The following DNAJC13 variants were observed in gnomAD, a reference collection of about 807,000 sequenced individuals.
DNAJC13 encodes the protein dnaJ homolog subfamily C member 13.
Under a neutral mutation model 290.5 loss-of-function variants are expected in DNAJC13, and 75 were observed. The observed-to-expected ratio is 0.26, with a 90% CI of 0.21 to 0.31. The LOEUF (loss-of-function observed/expected upper bound fraction) is 0.31. Among genes scored for constraint, DNAJC13 ranks in the 10% least tolerant of loss-of-function variants. The pLI, the probability that DNAJC13 is intolerant of heterozygous loss-of-function variation, is 1.00. For missense variants in DNAJC13, 2,260 were observed against 2,674.5 expected (o/e 0.85, Z 3.42); for synonymous variants, 862 against 892.0 (o/e 0.97, Z 0.60).
chr3:132,500,188 T>G (rs1427855114), intron 38 of DNAJC13, among the ~76,000 whole-genome samples: 1 of 152,248 alleles, frequency 6.6e-6, no homozygotes, highest in African/African-American at 2.4e-5. Flanking sequence ...TTTAATTGGC[T>G]TAACATTTAA....
intron 38 of DNAJC13, among the ~76,000 whole-genome samples, chr3:132,500,254 T>C (rs1428863191): frequency 6.6e-6 from 1 of 152,354 alleles, no homozygotes; most frequent in Non-Finnish European, 1.5e-5. Context: ...AGAGCGTGTC[T>C]TTCTATTTGA....
rs754222838 is a variant in DNAJC13 at position 132,453,458 on chromosome 3, C to G, written c.698C>G (p.Thr233Arg). ...FGKYSTDESI[T>R]SLAEFVVQKI... ...AAATACAGCACTGATGAATCCATCA[C>G]ATCTTTAGCAGAGTTTGTAGTCCAA... The change falls in exon 7 of 56, where the codon ACA (threonine) becomes AGA (arginine). Residue 233 changes from threonine (T) to arginine (R), a missense_variant. This residue lies in a region of DNAJC13 where 762 missense variants were observed against 964.1 expected (regional missense o/e 0.79). Transcript: ENST00000260818. The G allele has an allele frequency of 1.2e-6, 2 of 1,613,988 alleles. No homozygotes were observed. Among genetic ancestry groups the G allele is most frequent in the Non-Finnish European group, 1.7e-6 (2 of 1,179,912 alleles).
At chr3:132,466,126 G>A in intron 18 of DNAJC13, 56 bp downstream of exon 18, 7 of 1,485,654 alleles carry the variant, frequency 4.7e-6, no homozygotes, top group Non-Finnish European at 6.6e-6. Context: ...AATTGAACAA[G>A]TTATCTGTAC....
intron 17 of DNAJC13, 26 bp from the exon 18 acceptor site, chr3:132,465,969 C>G: frequency 6.3e-7 from 1 of 1,584,652 alleles, no homozygotes; most frequent in Non-Finnish European, 8.7e-7. Context: ...AAGCAGCAAA[C>G]CTTTCTCAAC....
intron 28 of DNAJC13, 102 bp downstream of exon 28, chr3:132,483,679 CTTG>C: frequency 1.7e-6 from 2 of 1,174,520 alleles, no homozygotes; most frequent in African/African-American, 1.5e-5. Flanking sequence ...TATTTATGGC[CTTG>C]GAGGAATGCT....
intron 55 of DNAJC13, among the ~76,000 whole-genome samples, chr3:132,531,303 C>A (rs916706997): frequency 6.6e-6 from 1 of 152,098 alleles, no homozygotes; most frequent in African/African-American, 2.4e-5. Flanking sequence ...TGGGTACTGA[C>A]TAAAGCATGT....
intron 22 of DNAJC13, among the ~76,000 whole-genome samples, chr3:132,475,385 T>C (rs1179047527): frequency 5.9e-5 from 9 of 152,090 alleles, no homozygotes; most frequent in African/African-American, 1.2e-4. Context: ...GACCTTTGAG[T>C]TCTTTTTTCA....
intron 42 of DNAJC13, among the ~76,000 whole-genome samples, chr3:132,506,037 T>A (rs1337717170): frequency 7.4e-6 from 1 of 135,816 alleles, no homozygotes; most frequent in Admixed American, 7.4e-5. Context: ...TACATGTCTG[T>A]ACATTATCTT....
chr3:132,482,924 T>C (rs575123348), intron 27 of DNAJC13, among the ~76,000 whole-genome samples: 19 of 152,212 alleles, frequency 1.2e-4, no homozygotes, highest in African/African-American at 4.6e-4. Flanking sequence ...CTATATGGTA[T>C]GAATAAGTAA....
At position 132,507,237 on chromosome 3, in the gene DNAJC13, G is replaced by A. The variant is rs762629548; in HGVS notation, c.4999G>A (p.Gly1667Ser). The A allele has an allele frequency of 5.0e-6, 8 of 1,585,164 alleles. No individual in the cohort carries two copies. The highest frequency in any genetic ancestry group is 6.9e-6 in the Non-Finnish European group (8 of 1,155,206). Residue 1667 changes from glycine to serine, a missense_variant and splice_region_variant, in exon 43 of 56, where the codon GGT becomes AGT. Around this residue, in one of 3 missense-constraint regions of DNAJC13, gnomAD observed 1,494 missense variants for 1,693.7 expected, o/e 0.88. Coordinates refer to ENST00000260818, the MANE Select transcript of DNAJC13 (RefSeq NM_015268.4). ...ESQQENMIKKGDCDKTYGSEF... is the reference protein window; with the variant it reads ...ESQQENMIKKSDCDKTYGSEF... ...GTCTATTTTTTCATCTTTTAAAAAG[G>A]GTGATTGTGACAAAACTTATGGATC...
chr3:132,441,138 G>A (rs1933052272), intron 2 of DNAJC13, among the ~76,000 whole-genome samples: 1 of 152,154 alleles, frequency 6.6e-6, no homozygotes, highest in Admixed American at 6.5e-5. Context: ...AATGGCCAAG[G>A]GAACTAGGAT....
chr3:132,513,142 T>G (rs1935828851), intron 45 of DNAJC13, 43 bp downstream of exon 45: 1 of 1,478,888 alleles, frequency 6.8e-7, no homozygotes, highest in South Asian at 1.1e-5. Context: ...TTCCTACCAC[T>G]TACCATGTGT....
At chr3:132,493,400 T>A (rs1396791605) in intron 33 of DNAJC13, among the ~76,000 whole-genome samples, 1 of 152,060 alleles carries the variant, frequency 6.6e-6, no homozygotes, top group Non-Finnish European at 1.5e-5. Context: ...AGGTAGACTC[T>A]GGTACTTATT....
chr3:132,459,414 T>C (rs1291494645), intron 13 of DNAJC13, among the ~76,000 whole-genome samples: 2 of 152,148 alleles, frequency 1.3e-5, no homozygotes, highest in Non-Finnish European at 2.9e-5. Context: ...TGCCAGGGGC[T>C]TGGGAGGAAG....
At position 132,460,230 on chromosome 3, in the gene DNAJC13, T is replaced by C. The variant is rs1421875248; in HGVS notation, c.1450-20T>C. On this transcript the variant is annotated intron_variant, in intron 13 of 55. Transcript: ENST00000260818. ...GGGACTGCTTATGAATTATCACTGT[T>C]TTTTTTTTTTCATCAATAGCCCATG... 1 of 1,352,710 alleles carries C rather than the reference T, an allele frequency of 7.4e-7. No homozygotes were observed. The highest frequency in any genetic ancestry group is 1.9e-5 in the African/African-American group (1 of 53,468). 83.8% of individuals were successfully genotyped at this position (1,352,710 alleles called of 1,614,324 possible).
intron 27 of DNAJC13, among the ~76,000 whole-genome samples, chr3:132,483,004 A>G (rs564995273): frequency 5.3e-5 from 8 of 152,172 alleles, no homozygotes; most frequent in Non-Finnish European, 8.8e-5. Flanking sequence ...TTTCCTCTTT[A>G]TCTTGATACT....
At chr3:132,480,527 G>A in intron 26 of DNAJC13, 57 bp downstream of exon 26, 1 of 1,276,918 alleles carries the variant, frequency 7.8e-7, no homozygotes. Context: ...TAATTTTAGA[G>A]GCAAAAGAAT....
intron 36 of DNAJC13, among the ~76,000 whole-genome samples, chr3:132,498,267 C>A (rs1935296162): frequency 6.6e-6 from 1 of 151,264 alleles, no homozygotes; most frequent in African/African-American, 2.4e-5. Flanking sequence ...TACCAGTTAT[C>A]TTTAAGATAA....
chr3:132,507,345 C>A lies in DNAJC13; in HGVS notation c.5107C>A (p.Gln1703Lys). The change falls in exon 43 of 56, where the codon CAA becomes AAA. Residue 1703 changes from glutamine to lysine, a missense_variant. Transcript: ENST00000260818. Reference protein sequence around the residue: ...VRVYNEVPTFQLEVPKAFAAS... With the variant: ...VRVYNEVPTFKLEVPKAFAAS... ...GGTGTATAATGAAGTTCCTACTTTC[C>A]AACTGGAGGTAAGCTCTCTGCTTTT... is the stretch of plus-strand genomic sequence containing the variant. 6.4e-7 allele frequency: 1 copy of A among 1,568,680 alleles called. No individual in the cohort carries two copies. The highest frequency in any genetic ancestry group is 8.8e-7 in the Non-Finnish European group (1 of 1,139,670).
Sources: allele counts gnomAD v4.1 joint callset (sites outside exome capture counted in the v4.1 genomes callset), GRCh38; gene constraint gnomAD v4.1.1; regional missense constraint gnomAD v4.1.1; transcripts MANE v1.5; gene names NCBI Gene and HGNC (gene_info 2026-07-23, HGNC 2026-07-21).